PRKN: variants seen among roughly 807,000 people sequenced by gnomAD.
PRKN encodes parkin RBR E3 ubiquitin protein ligase.
In PRKN, 56 loss-of-function variants were observed where a neutral mutation model predicts 59.5. The observed-to-expected ratio is 0.94, with a 90% confidence interval of 0.76 to 1.18. PRKN has a LOEUF of 1.18. PRKN is among the 50% of genes most tolerant of loss of function. The pLI is 0.00. For synonymous variants in PRKN, 250 were observed against 222.1 expected, an observed-to-expected ratio of 1.13 and a Z score of -1.12; for missense variants, 657 against 596.4, an observed-to-expected ratio of 1.10 and a Z score of -1.06.
rs142165469 is a variant in PRKN at position 161,656,777 on chromosome 6, C to T, written c.872-87361G>A. 7.2e-5 allele frequency among the ~76,000 whole-genome samples: 11 copies of T among 152,260 alleles called. No homozygotes were observed. In the East Asian group the frequency reaches 1.9e-3, roughly 27 times the overall value. Reference sequence around the variant, plus strand: ...GTCCTAATTTATCTTCTCCAAAATACTCACCAGCATCTAAAATTATCTTAT... The same window carrying T: ...GTCCTAATTTATCTTCTCCAAAATATTCACCAGCATCTAAAATTATCTTAT... On this transcript the variant is annotated intron_variant, in intron 7 of 11. Transcript: ENST00000366898.
At chr6:162,195,238 T>C (rs1359089036) in intron 4 of PRKN, among the ~76,000 whole-genome samples, 1 of 152,204 alleles carries the variant, frequency 6.6e-6, no homozygotes, top group African/African-American at 2.4e-5. Flanking sequence ...CCTCCTCCAC[T>C]GTGCTTTCAA....
intron 2 of PRKN, among the ~76,000 whole-genome samples, chr6:162,403,768 C>G (rs183807518): frequency 6.6e-5 from 10 of 152,090 alleles, no homozygotes; most frequent in Admixed American, 2.0e-4. Context: ...GGGAGTGACA[C>G]AAGTCGTTGT....
At position 161,475,540 on chromosome 6, in the gene PRKN, G is replaced by A. The variant is rs1791024833; in HGVS notation, c.1083+73314C>T. 6.6e-6 allele frequency among the ~76,000 whole-genome samples: 1 copy of A among 152,158 alleles called. No homozygotes were observed. The highest frequency in any genetic ancestry group is 6.5e-5 in the Admixed American group (1 of 15,286). ...TATTTTTGAGACGAGGTCTCGCTCT[G>A]TGGCCCAGGCTGGAGTGCCGCGGTG... On this transcript the variant is annotated intron_variant, in intron 9 of 11. Transcript: ENST00000366898. The surrounding 1 kb of genome is among the most constrained non-coding windows in gnomAD (Gnocchi z 5.3).
chr6:162,438,981 G>C (rs921308284), intron 2 of PRKN, among the ~76,000 whole-genome samples: 1 of 151,982 alleles, frequency 6.6e-6, no homozygotes, highest in Non-Finnish European at 1.5e-5. Flanking sequence ...TCTTTTTCCA[G>C]CCTACCTTTT....
intron 5 of PRKN, among the ~76,000 whole-genome samples, chr6:162,021,731 C>T (rs1022806220): frequency 6.6e-6 from 1 of 151,960 alleles, no homozygotes; most frequent in Non-Finnish European, 1.5e-5. Context: ...GGTACATGTG[C>T]AGTTTTGTAC....
chr6:162,191,171 C>T (rs1418658605), intron 4 of PRKN, among the ~76,000 whole-genome samples: 1 of 152,136 alleles, frequency 6.6e-6, no homozygotes, highest in Non-Finnish European at 1.5e-5. Flanking sequence ...GTGATAGTCG[C>T]TGATCATTGC....
intron 9 of PRKN, among the ~76,000 whole-genome samples, chr6:161,513,462 G>T (rs1019091075): frequency 3.7e-5 from 2 of 53,682 alleles, no homozygotes; most frequent in Non-Finnish European, 8.1e-5. Context: ...GGATGGTCTC[G>T]ATCTCCTGAC....
chr6:161,399,956 T>C lies in PRKN; in HGVS notation c.1084-13079A>G, dbSNP rs1786951291. Among the ~76,000 whole-genome samples the C allele has an allele frequency of 6.6e-6, 1 of 152,222 alleles. No individual in the cohort carries two copies. The highest frequency in any genetic ancestry group is 2.4e-5 in the African/African-American group (1 of 41,448). On this transcript the variant is annotated intron_variant, in intron 9 of 11. Transcript: ENST00000366898. The surrounding 1 kb of genome is among the most constrained non-coding windows in gnomAD (Gnocchi z 4.4). ...TTGTATCATTTCAACATGCAATCGATATAAAAATTGGTAATGAGTTATTTT... is the reference window on the plus strand; with the variant it reads ...TTGTATCATTTCAACATGCAATCGACATAAAAATTGGTAATGAGTTATTTT...
chr6:161,811,310 T>C (rs77412243), intron 6 of PRKN, among the ~76,000 whole-genome samples: 3,008 of 152,118 alleles, frequency 0.02, 39 homozygotes, highest in South Asian at 0.075. Context: ...AAAAAAAAAA[T>C]TGTTTAATTT....
At chr6:162,591,756 A>T (rs182474269) in intron 1 of PRKN, among the ~76,000 whole-genome samples, 13 of 152,314 alleles carry the variant, frequency 8.5e-5, no homozygotes, top group Admixed American at 7.8e-4. Flanking sequence ...GAAGGATAAC[A>T]ATTTTGACAA....
At chr6:161,427,114 G>C (rs1788402291) in intron 9 of PRKN, among the ~76,000 whole-genome samples, 1 of 152,070 alleles carries the variant, frequency 6.6e-6, no homozygotes, top group African/African-American at 2.4e-5. Context: ...CACCTCTCCA[G>C]TTCAAGCAAT....
rs1562552870 is a variant in PRKN at position 162,164,830 on chromosome 6, T to C, written c.534+36301A>G. Among the ~76,000 whole-genome samples the C allele has an allele frequency of 2.7e-5, 4 of 147,986 alleles. 1 individual carries two copies. The highest frequency in any genetic ancestry group is 5.9e-5 in the Non-Finnish European group (4 of 67,362). On this transcript the variant is annotated intron_variant, in intron 4 of 11. Transcript: ENST00000366898. ...CAAGTTTACTAGGACACTAGAGGCC[T>C]ATTTCTCCAGAAAAAATGGTAATAC...
At chr6:161,803,853 A>G (rs1222478375) in intron 6 of PRKN, among the ~76,000 whole-genome samples, 1 of 152,232 alleles carries the variant, frequency 6.6e-6, no homozygotes, top group Admixed American at 6.5e-5. Flanking sequence ...TAAAGGAAGC[A>G]AAGACCTCAA....
chr6:161,654,004 AT>A (rs34048733), intron 7 of PRKN, among the ~76,000 whole-genome samples: 75,622 of 150,900 alleles, frequency 0.5, 21,805 homozygotes, highest in African/African-American at 0.81. Flanking sequence ...AATAAAATGC[AT>A]TTTTTTTTTA....
chr6:161,797,430 C>A (rs1031046907), intron 6 of PRKN, among the ~76,000 whole-genome samples: 5 of 152,054 alleles, frequency 3.3e-5, no homozygotes, highest in Non-Finnish European at 7.4e-5. Context: ...CCACATCTGG[C>A]TAATTTGTGT....
intron 9 of PRKN, among the ~76,000 whole-genome samples, chr6:161,531,947 C>T (rs529598823): frequency 9.9e-5 from 15 of 152,016 alleles, no homozygotes; most frequent in South Asian, 2.1e-4. Context: ...TTGCAAATAC[C>T]AGAGATACAG....
intron 5 of PRKN, among the ~76,000 whole-genome samples, chr6:162,026,191 C>T (rs914488051): frequency 7.9e-5 from 12 of 152,142 alleles, no homozygotes; most frequent in African/African-American, 2.7e-4. Context: ...CTATCACTTC[C>T]GCAACTCCGT....
At chr6:161,682,400 T>G (rs1042135481) in intron 7 of PRKN, among the ~76,000 whole-genome samples, 1 of 152,236 alleles carries the variant, frequency 6.6e-6, no homozygotes, top group Non-Finnish European at 1.5e-5. Context: ...ATGGCATTTC[T>G]TGCACATTTA....
chr6:161,754,597 T>C (rs1788834281), intron 7 of PRKN, among the ~76,000 whole-genome samples: 1 of 152,058 alleles, frequency 6.6e-6, no homozygotes, highest in Non-Finnish European at 1.5e-5. Flanking sequence ...CTCAGAGGGA[T>C]GGGGGCTGAG....
Sources: gnomAD v4.1 joint callset for allele counts (sites outside exome capture counted in the v4.1 genomes callset) on GRCh38, gnomAD v4.1.1 for gene constraint, Gnocchi (gnomAD v3.1) non-coding constraint, MANE v1.5 for transcripts, NCBI Gene and HGNC (gene_info 2026-07-23, HGNC 2026-07-21) for gene names.